Variants in NR1D2 observed in about 807,000 individuals in gnomAD.
The protein encoded by NR1D2 is nuclear receptor subfamily 1 group D member 2.
In NR1D2, 25 loss-of-function variants were observed where a neutral mutation model predicts 52.2. That is an observed-to-expected ratio of 0.48 (90% CI 0.35 to 0.67). The LOEUF (loss-of-function observed/expected upper bound fraction) is 0.67. NR1D2 is among the 30% of genes least tolerant of loss of function. The pLI is 0.01. For synonymous variants in NR1D2, 259 were observed against 230.1 expected, an observed-to-expected ratio of 1.13 and a Z score of -1.14; for missense variants, 681 against 707.2, an observed-to-expected ratio of 0.96 and a Z score of 0.42.
In NR1D2 at chr3:23,959,901, ACCAAGGAC is replaced by A. The variant is rs1345093753; in HGVS notation, c.517+89_517+96del. ...CATGAACCAGAGCTATAAACCGGTT[ACCAAGGAC>A]CCTCTTGTATTTAAGGTGAAGCAGA... On this transcript the variant is annotated intron_variant, in intron 4 of 7. Transcript: ENST00000312521. 1.6e-5 allele frequency: 20 copies of A among 1,260,280 alleles called. No homozygotes were observed. In the Middle Eastern group the frequency reaches 5.9e-4, roughly 37 times the overall value. The allele number at this position is 1,260,280 out of a possible 1,614,324, so 78.1% of individuals were successfully genotyped here.
chr3:23,969,867 A>G (rs1042005532), intron 7 of NR1D2, among the ~76,000 whole-genome samples: 8 of 152,160 alleles, frequency 5.3e-5, no homozygotes, highest in Non-Finnish European at 1.2e-4. Flanking sequence ...AGGTTGAATT[A>G]TTAAGCTTTC....
At chr3:23,957,286 T>G (rs1190092548) in intron 3 of NR1D2, among the ~76,000 whole-genome samples, 4 of 150,936 alleles carry the variant, frequency 2.7e-5, no homozygotes, top group African/African-American at 9.7e-5. Context: ...CCTGCCAAGT[T>G]TGCTAACTTT....
chr3:23,967,034 T>A (rs1306894506), intron 6 of NR1D2, among the ~76,000 whole-genome samples: 2 of 150,300 alleles, frequency 1.3e-5, no homozygotes, highest in Non-Finnish European at 3.0e-5. Context: ...AATAAATAAA[T>A]AAATAAATAG....
At chr3:23,966,806 G>A (rs565653818) in intron 6 of NR1D2, among the ~76,000 whole-genome samples, 6 of 152,158 alleles carry the variant, frequency 3.9e-5, no homozygotes, top group South Asian at 4.1e-4. Context: ...GAGGCAGGCC[G>A]ATCACTTGAG....
intron 6 of NR1D2, among the ~76,000 whole-genome samples, chr3:23,966,705 T>G (rs1286238435): frequency 6.6e-6 from 1 of 152,216 alleles, no homozygotes; most frequent in Non-Finnish European, 1.5e-5. Flanking sequence ...CTTGGAGTAT[T>G]TATTGCTTTG....
intron 6 of NR1D2, 104 bp from the exon 7 acceptor site, chr3:23,967,709 C>CTTTTATAACTTTA (rs1706487334): frequency 1.2e-6 from 1 of 846,934 alleles, no homozygotes; most frequent in Non-Finnish European, 1.8e-6. Context: ...TTATAACTTT[C>CTTTTATAACTTTA]TTTTATATGT....
intron 7 of NR1D2, among the ~76,000 whole-genome samples, chr3:23,976,823 T>C (rs998380660): frequency 2.0e-5 from 3 of 152,238 alleles, no homozygotes; most frequent in Non-Finnish European, 4.4e-5. Context: ...AGGGGCTGCC[T>C]ACCACACATG....
At chr3:23,963,648 C>T (rs987044521) in intron 5 of NR1D2, among the ~76,000 whole-genome samples, 12 of 152,078 alleles carry the variant, frequency 7.9e-5, no homozygotes, top group Non-Finnish European at 1.8e-4. Flanking sequence ...CAGGTTTCAC[C>T]ACGTTGGCCA....
chr3:23,956,010 T>C lies in NR1D2; in HGVS notation c.284-27T>C, dbSNP rs781330660. 7 of 1,554,686 alleles carry C rather than the reference T, an allele frequency of 4.5e-6. No homozygotes were observed. The South Asian group carries it at 6.7e-5, about 15-fold the overall frequency. ...ACAGACTCGGTGTTTCCTCCTACTTTTTACTTCGTGTCCTTTTGTGTCCTA... is the reference window on the plus strand; with the variant it reads ...ACAGACTCGGTGTTTCCTCCTACTTCTTACTTCGTGTCCTTTTGTGTCCTA... On this transcript the variant is annotated intron_variant, in intron 2 of 7. Transcript: ENST00000312521.
chr3:23,963,363 A>T, intron 5 of NR1D2: 1 of 1,311,488 alleles, frequency 7.6e-7, no homozygotes, highest in South Asian at 1.2e-5. Flanking sequence ...TTTTCAAAAT[A>T]GTTGACTCTA....
intron 1 of NR1D2, among the ~76,000 whole-genome samples, chr3:23,952,257 T>C (rs1705952688): frequency 6.6e-6 from 1 of 152,196 alleles, no homozygotes; most frequent in South Asian, 2.1e-4. Context: ...AGAGAGCATA[T>C]GGACAGTGGG....
intron 7 of NR1D2, among the ~76,000 whole-genome samples, chr3:23,974,294 A>G (rs1706667945): frequency 6.6e-6 from 1 of 152,130 alleles, no homozygotes; most frequent in South Asian, 2.1e-4. Flanking sequence ...GTTGTTTACT[A>G]TTATTAAGTG....
intron 1 of NR1D2, among the ~76,000 whole-genome samples, chr3:23,947,161 A>T (rs2125278911): frequency 6.6e-6 from 1 of 152,336 alleles, no homozygotes; most frequent in African/African-American, 2.4e-5. Context: ...TACATGTTAG[A>T]ATTCAGAGGT....
At position 23,977,522 on chromosome 3, in the gene NR1D2, A is replaced by C; in HGVS notation, c.*103A>C. The C allele has an allele frequency of 1.5e-6, 1 of 666,804 alleles. No homozygotes were observed. 41.3% of individuals were successfully genotyped at this position (666,804 alleles called of 1,614,324 possible). A position where few individuals can be genotyped will look rare whatever the true frequency, so the allele number is the denominator to read the frequency against. ...TATGTGGAGATAGAAAAGACCTTTAAGACAATAAAAGATTGTAGGCTATCT... is the reference window on the plus strand; with the variant it reads ...TATGTGGAGATAGAAAAGACCTTTACGACAATAAAAGATTGTAGGCTATCT... On this transcript the variant is annotated 3_prime_UTR_variant, in exon 8 of 8. Coordinates refer to ENST00000312521, the MANE Select transcript of NR1D2 (RefSeq NM_005126.5).
chr3:23,965,232 ATTCT>A, intron 6 of NR1D2, 70 bp downstream of exon 6: 50 of 686,884 alleles, frequency 7.3e-5, no homozygotes, highest in Non-Finnish European at 9.2e-5. Context: ...GGATGTTTTA[ATTCT>A]TTTTTTTTTT....
chr3:23,962,382 A>C lies in NR1D2; in HGVS notation c.923A>C (p.His308Pro), dbSNP rs778955450. The change falls in exon 5 of 8, where the codon CAT becomes CCT. Residue 308 changes from histidine to proline, a missense_variant. This residue lies in a region of NR1D2 where 475 missense variants were observed against 454.5 expected (regional missense o/e 1.05). Transcript: ENST00000312521. ...CATTGCGGCAATGGGCTTAGCAGCC[A>C]TTTTCCCTGTAGTGAGAGCCAGCAG... ...HDHCGNGLSS[H>P]FPCSESQQHL... is the part of the protein sequence containing the mutation. 1 of 1,614,200 alleles carries C rather than the reference A, an allele frequency of 6.2e-7. No homozygotes were observed. The highest frequency in any genetic ancestry group is 8.5e-7 in the Non-Finnish European group (1 of 1,180,028).
chr3:23,960,378 C>T (rs190433462), intron 4 of NR1D2, among the ~76,000 whole-genome samples: 64 of 151,884 alleles, frequency 4.2e-4, no homozygotes, highest in African/African-American at 1.5e-3. Flanking sequence ...GCACTCTAAC[C>T]TGGGTGACAC....
chr3:23,968,005 G>T lies in NR1D2; in HGVS notation c.1525G>T (p.Val509Phe). 6.2e-7 allele frequency: 1 copy of T among 1,614,110 alleles called. No homozygotes were observed. The highest frequency in any genetic ancestry group is 8.5e-7 in the Non-Finnish European group (1 of 1,179,970). ...TGAAGAGATGAGTTTGTTTACAGCT[G>T]TTGTCCTGGTATCTGCAGGTAAGCA... ...SDEEMSLFTA[V>F]VLVSADRSGI... is the part of the protein sequence containing the mutation. Residue 509 changes from valine to phenylalanine, a missense_variant, in exon 7 of 8, where the codon GTT (valine) becomes TTT (phenylalanine). Around this residue, in one of 3 missense-constraint regions of NR1D2, gnomAD observed 475 missense variants for 454.5 expected, o/e 1.05. Coordinates refer to ENST00000312521, the MANE Select transcript of NR1D2 (RefSeq NM_005126.5).
At chr3:23,968,046 G>A (rs1706497682) in intron 7 of NR1D2, 23 bp downstream of exon 7, 2 of 1,598,840 alleles carry the variant, frequency 1.3e-6, no homozygotes, top group Non-Finnish European at 1.7e-6. Context: ...GTTCAAAATT[G>A]TGCCACACCT....
Sources: allele counts gnomAD v4.1 joint callset (sites outside exome capture counted in the v4.1 genomes callset), GRCh38; gene constraint gnomAD v4.1.1; regional missense constraint gnomAD v4.1.1; transcripts MANE v1.5; gene names NCBI Gene and HGNC (gene_info 2026-07-23, HGNC 2026-07-21).